DPP10: variants seen among roughly 807,000 people sequenced by gnomAD.
The protein encoded by DPP10 is inactive dipeptidyl peptidase 10.
DPP10 carries 33 observed loss-of-function variants against 120.9 expected under a neutral mutation model. The ratio of observed to expected loss-of-function variants is 0.27; its 90% CI spans 0.21 to 0.37. The LOEUF is 0.37. Ranked by LOEUF, DPP10 falls within the 10% of genes least tolerant of loss-of-function variation. DPP10 has a pLI of 1.00. For synonymous variants in DPP10, 337 were observed against 326.1 expected (o/e 1.03, Z -0.36); for missense variants, 816 against 942.8 (o/e 0.87, Z 1.76).
At chr2:115,822,107 TACTGATA>T (rs1281989899) in intron 21 of DPP10, among the ~76,000 whole-genome samples, 1 of 152,036 alleles carries the variant, frequency 6.6e-6, no homozygotes, top group Non-Finnish European at 1.5e-5. Context: ...GTTTGTAGTT[TACTGATA>T]ACTGATAATA....
intron 1 of DPP10, among the ~76,000 whole-genome samples, chr2:115,137,803 T>C (rs2050726229): frequency 6.6e-6 from 1 of 152,222 alleles, no homozygotes; most frequent in South Asian, 2.1e-4. Flanking sequence ...TACAGCCAAG[T>C]ACCTTCTAGG....
chr2:115,095,572 TGG>T (rs1559088338), intron 1 of DPP10, among the ~76,000 whole-genome samples: 4 of 124,334 alleles, frequency 3.2e-5, no homozygotes, highest in African/African-American at 1.3e-4. Context: ...CAATTCTGTT[TGG>T]TTTTTTTTTT....
Position 114,472,956 on chromosome 2 carries a change from A to T in DPP10, c.60+30118A>T, listed in dbSNP as rs574433393. ...TAGCAACCACATCTTATAATATGTG[A>T]TTCCAACTTAGAGTGCCTCATCACT... On this transcript the variant is annotated intron_variant, in intron 1 of 25. Transcript: ENST00000410059. Among the ~76,000 whole-genome samples, 176 of 152,294 alleles carry T rather than the reference A, an allele frequency of 1.2e-3. 4 individuals carry two copies. In the South Asian group the frequency reaches 0.035, roughly 30 times the overall value.
chr2:114,786,961 C>A (rs146833716), intron 1 of DPP10, among the ~76,000 whole-genome samples: 5 of 152,288 alleles, frequency 3.3e-5, no homozygotes, highest in Non-Finnish European at 5.9e-5. Context: ...GCATATTGAG[C>A]CTCTCTGTGC....
At chr2:114,508,406 C>T (rs969979419) in intron 1 of DPP10, among the ~76,000 whole-genome samples, 1 of 152,188 alleles carries the variant, frequency 6.6e-6, no homozygotes, top group East Asian at 1.9e-4. Flanking sequence ...GTGATTGACT[C>T]ATGTTAAGTG....
At chr2:114,523,520 G>T (rs1573561106) in intron 1 of DPP10, among the ~76,000 whole-genome samples, 1 of 152,108 alleles carries the variant, frequency 6.6e-6, no homozygotes, top group East Asian at 1.9e-4. Context: ...GTCACTGACT[G>T]GTCCTTTGTT....
intron 1 of DPP10, among the ~76,000 whole-genome samples, chr2:115,155,239 A>G (rs2051830431): frequency 6.6e-6 from 1 of 152,196 alleles, no homozygotes; most frequent in East Asian, 1.9e-4. Flanking sequence ...ATTAGAAACT[A>G]AAGGCATTCA....
In DPP10 at chr2:114,776,973, A is replaced by G. The variant is rs182235301; in HGVS notation, c.60+334135A>G. Among the ~76,000 whole-genome samples, 759 of 152,230 alleles carry G rather than the reference A, an allele frequency of 5.0e-3. 6 individuals are homozygous for G. Among genetic ancestry groups the G allele is most frequent in the Middle Eastern group, 0.01 (3 of 294 alleles). ...GAATTTCTGCCAAACATACTTTTTC[A>G]AAAATAAAAAAGATATATGAAAATG... On this transcript the variant is annotated intron_variant, in intron 1 of 25. Coordinates refer to ENST00000410059, the MANE Select transcript of DPP10 (RefSeq NM_020868.6).
intron 1 of DPP10, among the ~76,000 whole-genome samples, chr2:114,959,462 C>T (rs1698452505): frequency 6.6e-6 from 1 of 152,126 alleles, no homozygotes; most frequent in Non-Finnish European, 1.5e-5. Context: ...ATTTTGTTTA[C>T]TCATTCATCA....
intron 1 of DPP10, among the ~76,000 whole-genome samples, chr2:114,580,429 A>T (rs1690402186): frequency 6.6e-6 from 1 of 152,202 alleles, no homozygotes; most frequent in Non-Finnish European, 1.5e-5. Context: ...GGAAAGAAAA[A>T]TGGTTCTCTA....
chr2:115,379,034 C>G lies in DPP10; in HGVS notation c.271+35122C>G, dbSNP rs568072657. Among the ~76,000 whole-genome samples the G allele has an allele frequency of 2.6e-4, 40 of 152,166 alleles. No homozygotes were observed. The East Asian group carries it at 6.8e-3, about 26-fold the overall frequency. ...TTCTCTTTTTTGGTTGTTTCTCTGCCCGGCTTTGGTATCAGGATGATGCTG... is the reference window on the plus strand; with the variant it reads ...TTCTCTTTTTTGGTTGTTTCTCTGCGCGGCTTTGGTATCAGGATGATGCTG... On this transcript the variant is annotated intron_variant, in intron 3 of 25. Coordinates refer to ENST00000410059, the MANE Select transcript of DPP10 (RefSeq NM_020868.6).
chr2:114,471,841 A>G (rs921385344), intron 1 of DPP10, among the ~76,000 whole-genome samples: 3 of 152,226 alleles, frequency 2.0e-5, no homozygotes, highest in Admixed American at 1.3e-4. Flanking sequence ...GAGAAGCACT[A>G]GAAACATAAT....
chr2:114,867,628 T>A (rs1690347945), intron 1 of DPP10, among the ~76,000 whole-genome samples: 1 of 152,222 alleles, frequency 6.6e-6, no homozygotes, highest in Non-Finnish European at 1.5e-5. Flanking sequence ...GCTCGAACTT[T>A]GAAAATACTT....
At chr2:114,478,491 T>C (rs1451200497) in intron 1 of DPP10, among the ~76,000 whole-genome samples, 2 of 152,056 alleles carry the variant, frequency 1.3e-5, no homozygotes, top group African/African-American at 2.4e-5. Flanking sequence ...ATTTTCCTCC[T>C]AAGGTTTGTA....
At chr2:114,690,747 G>T (rs1334790594) in intron 1 of DPP10, among the ~76,000 whole-genome samples, 2 of 151,858 alleles carry the variant, frequency 1.3e-5, no homozygotes, top group Non-Finnish European at 2.9e-5. Flanking sequence ...TTTGTGTCCT[G>T]TCTGATTTCC....
At chr2:114,754,458 C>T (rs1679547893) in intron 1 of DPP10, among the ~76,000 whole-genome samples, 3 of 152,202 alleles carry the variant, frequency 2.0e-5, no homozygotes, top group Non-Finnish European at 4.4e-5. Flanking sequence ...CAGGGCATGT[C>T]TCTAAGTCTA....
At chr2:115,641,569 A>T (rs2086783534) in intron 5 of DPP10, among the ~76,000 whole-genome samples, 1 of 152,044 alleles carries the variant, frequency 6.6e-6, no homozygotes. Flanking sequence ...TTATTACCGT[A>T]CTTATCACTG....
intron 1 of DPP10, among the ~76,000 whole-genome samples, chr2:114,699,785 A>G (rs1387335863): frequency 6.6e-6 from 1 of 152,118 alleles, no homozygotes. Flanking sequence ...GTGTGGGAAG[A>G]GCAGAGGAAC....
chr2:115,499,062 A>T (rs2076550434), intron 3 of DPP10, among the ~76,000 whole-genome samples: 1 of 152,090 alleles, frequency 6.6e-6, no homozygotes, highest in Admixed American at 6.6e-5. Context: ...AATTGGATCC[A>T]TAAATAGGTC....
Sources: allele counts gnomAD v4.1 joint callset (sites outside exome capture counted in the v4.1 genomes callset), GRCh38; gene constraint gnomAD v4.1.1; transcripts MANE v1.5; gene names NCBI Gene and HGNC (gene_info 2026-07-23, HGNC 2026-07-21).